Variants in SUCO observed in about 807,000 individuals in gnomAD.
SUCO encodes SUN domain-containing ossification factor.
A neutral mutation model predicts 148.1 loss-of-function variants in SUCO; 57 were observed. The observed-to-expected ratio is 0.38, with a 90% CI of 0.31 to 0.48. SUCO has a LOEUF of 0.48. Among genes scored for constraint, SUCO ranks in the 20% least tolerant of loss-of-function variants. The pLI is 0.96. For synonymous variants in SUCO, 470 were observed against 502.7 expected (o/e 0.93, Z 0.87); for missense variants, 1,331 against 1,468.2 (o/e 0.91, Z 1.53).
chr1:172,557,676 C>T lies in SUCO; in HGVS notation c.614C>T (p.Ser205Phe), dbSNP rs546564703. Residue 205 changes from serine to phenylalanine, a missense_variant, in exon 6 of 24, where the codon TCT becomes TTT. Physicochemically the swap from Ser to Phe is radical, Grantham distance 155. Around this residue, in one of 3 missense-constraint regions of SUCO, gnomAD observed 992 missense variants for 1,093.5 expected, o/e 0.91. Transcript: ENST00000263688. ...GGCCAGCATATAGAAAATGTATCAT[C>T]TTCACATGGTAAAGGAAAGATAACA... ...LVGQHIENVS[S>F]SHGKGKITKS... 6.2e-6 allele frequency: 10 copies of T among 1,611,372 alleles called. No individual in the cohort carries two copies. The highest frequency in any genetic ancestry group is 1.1e-5 in the South Asian group (1 of 90,436).
chr1:172,560,270 G>A (rs1654055405), intron 6 of SUCO, among the ~76,000 whole-genome samples: 1 of 152,208 alleles, frequency 6.6e-6, no homozygotes, highest in African/African-American at 2.4e-5. Context: ...GACTTGCGAA[G>A]GCAGTTTTGA....
chr1:172,573,866 T>C, intron 9 of SUCO, 25 bp from the exon 10 acceptor site: 1 of 1,303,110 alleles, frequency 7.7e-7, no homozygotes, highest in East Asian at 2.3e-5. Context: ...TTGGTTTAAG[T>C]AATTGTCTTT....
chr1:172,564,311 C>T (rs912856579), intron 6 of SUCO, among the ~76,000 whole-genome samples: 11 of 152,220 alleles, frequency 7.2e-5, no homozygotes, highest in African/African-American at 2.7e-4. Context: ...CAGCTTGCAC[C>T]GTGCACCTGG....
In SUCO at chr1:172,568,999, CT is replaced by C. The variant is rs575189158; in HGVS notation, c.733-15del. 4.6e-4 allele frequency: 706 copies of C among 1,547,156 alleles called. 3 individuals are homozygous for C. The African/African-American group carries it at 9.1e-3, about 20-fold the overall frequency. ...TTATTTGAAAGTTGAAGTCTTCTTA[CT>C]TTTTGGTGTTTCTTTCAGAGCTCTG... On this transcript the variant is annotated intron_variant, in intron 6 of 23. Coordinates refer to ENST00000263688, the MANE Select transcript of SUCO (RefSeq NM_014283.5).
chr1:172,602,002 A>G, intron 20 of SUCO, 62 bp from the exon 21 acceptor site: 4 of 1,433,984 alleles, frequency 2.8e-6, no homozygotes, highest in Non-Finnish European at 3.7e-6. Flanking sequence ...AATTTTAGAT[A>G]CCCTTATATT....
At chr1:172,549,519 T>C (rs2149225653) in intron 1 of SUCO, among the ~76,000 whole-genome samples, 1 of 152,120 alleles carries the variant, frequency 6.6e-6, no homozygotes, top group South Asian at 2.1e-4. Context: ...AAAGCTGTCA[T>C]TGCAAGCCAT....
At chr1:172,578,807 GAGGAAAGTTTT>G (rs1412680106) in intron 14 of SUCO, among the ~76,000 whole-genome samples, 1 of 152,018 alleles carries the variant, frequency 6.6e-6, no homozygotes, top group Non-Finnish European at 1.5e-5. Flanking sequence ...TAAAGAGTTA[GAGGAAAGTTTT>G]ATGACACTCT....
rs1658178311 is a variant in SUCO, at chr1:172,610,989, CA to C, written c.*731del. 6.6e-6 allele frequency: 1 copy of C among 152,534 alleles called. No individual in the cohort carries two copies. The highest frequency in any genetic ancestry group is 1.5e-5 in the Non-Finnish European group (1 of 68,014). The allele number at this position is 152,534 out of a possible 1,614,324, so 9.4% of individuals were successfully genotyped here. A position where few individuals can be genotyped will look rare whatever the true frequency, so the allele number is the denominator to read the frequency against. ...TTTTTTTGCAAACAACTGATATATG[CA>C]GACAAATTTTTGACAAATTCACCTT... is the stretch of plus-strand genomic sequence containing the variant. On this transcript the variant is annotated 3_prime_UTR_variant, in exon 24 of 24. Coordinates refer to ENST00000263688, the MANE Select transcript of SUCO (RefSeq NM_014283.5).
intron 1 of SUCO, among the ~76,000 whole-genome samples, chr1:172,536,684 T>A (rs1209230474): frequency 3.3e-5 from 5 of 152,182 alleles, no homozygotes; most frequent in African/African-American, 1.2e-4. Flanking sequence ...TTTATTACCT[T>A]ACAATTCTGT....
At chr1:172,609,669 T>C in intron 23 of SUCO, 147 bp from the exon 24 acceptor site, 1 of 1,444,518 alleles carries the variant, frequency 6.9e-7, no homozygotes, top group Non-Finnish European at 9.1e-7. Flanking sequence ...ATATAGAACA[T>C]AACAATGTAT....
chr1:172,571,466 G>C (rs113988327), intron 9 of SUCO, among the ~76,000 whole-genome samples: 7,405 of 151,766 alleles, frequency 0.049, 555 homozygotes, highest in African/African-American at 0.17. Context: ...ATTGCAGCCT[G>C]TGCCCGGCCG....
chr1:172,569,784 A>G (rs770704449), intron 7 of SUCO, among the ~76,000 whole-genome samples: 12 of 152,190 alleles, frequency 7.9e-5, no homozygotes, highest in Non-Finnish European at 1.5e-4. Flanking sequence ...ATTCTCATGG[A>G]CAAGCTTCAT....
At chr1:172,580,678 G>A (rs1030841985) in intron 15 of SUCO, among the ~76,000 whole-genome samples, 3 of 152,060 alleles carry the variant, frequency 2.0e-5, no homozygotes, top group African/African-American at 7.2e-5. Flanking sequence ...GCTTCTGGTA[G>A]GTACTGGAAA....
intron 1 of SUCO, among the ~76,000 whole-genome samples, chr1:172,533,927 C>T (rs1025666008): frequency 6.6e-6 from 1 of 152,108 alleles, no homozygotes; most frequent in Non-Finnish European, 1.5e-5. Context: ...GATTTTAAAA[C>T]GTGAGTGGTC....
intron 18 of SUCO, 102 bp downstream of exon 18, chr1:172,590,028 A>G: frequency 1.0e-6 from 1 of 996,152 alleles, no homozygotes; most frequent in African/African-American, 1.6e-5. Context: ...ATCTCATGAT[A>G]TAATAGAGGT....
chr1:172,602,670 A>C, intron 21 of SUCO, 26 bp from the exon 22 acceptor site: 1 of 1,607,238 alleles, frequency 6.2e-7, no homozygotes, highest in Non-Finnish European at 8.5e-7. Flanking sequence ...CGTTGTAACC[A>C]ATATGTATTT....
chr1:172,577,717 T>C, intron 12 of SUCO, 47 bp from the exon 13 acceptor site: 1 of 1,590,362 alleles, frequency 6.3e-7, no homozygotes, highest in South Asian at 1.1e-5. Context: ...TAGATAATCT[T>C]ACATGCTCTC....
chr1:172,554,718 A>G (rs1004258411), intron 3 of SUCO, among the ~76,000 whole-genome samples: 1 of 151,032 alleles, frequency 6.6e-6, no homozygotes, highest in Non-Finnish European at 1.5e-5. Context: ...GCCTGGGGCA[A>G]CAGAGTGAGA....
intron 1 of SUCO, among the ~76,000 whole-genome samples, chr1:172,546,496 A>T (rs946602700): frequency 6.6e-6 from 1 of 152,226 alleles, no homozygotes; most frequent in Non-Finnish European, 1.5e-5. Context: ...AGTGGCAACA[A>T]GTGATAAATA....
Sources: gnomAD v4.1 joint callset for allele counts (sites outside exome capture counted in the v4.1 genomes callset) on GRCh38, gnomAD v4.1.1 for gene constraint, gnomAD v4.1.1 regional missense constraint, MANE v1.5 for transcripts, NCBI Gene and HGNC (gene_info 2026-07-23, HGNC 2026-07-21) for gene names.